Variants in NUDT14 observed in about 807,000 individuals in gnomAD.
The protein encoded by NUDT14 is nudix hydrolase 14, also known as uridine diphosphate glucose pyrophosphatase NUDT14.
NUDT14 carries 22 observed loss-of-function variants against 17.5 expected under a neutral mutation model. That is an observed-to-expected ratio of 1.26 (90% CI 0.90 to 1.80). The LOEUF (loss-of-function observed/expected upper bound fraction) is 1.80, where lower values mean the gene tolerates loss of function less well. NUDT14 is among the 40% of genes most tolerant of loss of function. The probability of loss-of-function intolerance (pLI) is 0.00; values close to 1 mark genes in which losing one functional copy is unlikely to be tolerated. For missense variants in NUDT14, 296 were observed against 295.6 expected (o/e 1.00, Z -0.01); for synonymous variants, 129 against 125.8 (o/e 1.03, Z -0.17).
rs587652123 is a variant in NUDT14 at position 105,181,194 on chromosome 14, C to T, written c.16G>A (p.Gly6Arg). 6.2e-4 allele frequency: 729 copies of T among 1,176,116 alleles called. 3 individuals carry two copies. In the African/African-American group the frequency reaches 0.011, roughly 18 times the overall value. The allele number at this position is 1,176,116 out of a possible 1,614,324, so 72.9% of individuals were successfully genotyped here. A position where few individuals can be genotyped will look rare whatever the true frequency, so the allele number is the denominator to read the frequency against. The change falls in exon 1 of 5, where the codon GGG becomes AGG. Residue 6 changes from glycine to arginine, a missense_variant. Coordinates refer to ENST00000392568, the MANE Select transcript of NUDT14 (RefSeq NM_177533.5). The surrounding 1 kb of genome is among the most constrained non-coding windows in gnomAD (Gnocchi z 5.0). Reference protein sequence around the residue: MERIEGASVGRCAASP... With the variant: MERIERASVGRCAASP... ...GCGGCGCAGCGGCCCACGGACGCCC[C>T]CTCGATGCGCTCCATGGCGGCGCCC...
At chr14:105,174,409 C>T (rs1038332637) in intron 4 of NUDT14, among the ~76,000 whole-genome samples, 1 of 151,978 alleles carries the variant, frequency 6.6e-6, no homozygotes, top group Admixed American at 6.6e-5. Flanking sequence ...GAGGGGCTGT[C>T]GGGTGCCATG....
intron 4 of NUDT14, chr14:105,175,789 G>A: frequency 9.9e-7 from 1 of 1,015,158 alleles, no homozygotes; most frequent in Non-Finnish European, 1.2e-6. Context: ...TGAGGTGGGA[G>A]GGCCCCAGGC....
rs964631517 is a variant in NUDT14, at chr14:105,175,681, T to C, written c.428+853A>G. ...TCCCAAAGTGCTGGGATTACAGGCGTGAGCCACCGTGCCTGGCCCAGCGTG... is the reference window on the plus strand; with the variant it reads ...TCCCAAAGTGCTGGGATTACAGGCGCGAGCCACCGTGCCTGGCCCAGCGTG... On this transcript the variant is annotated intron_variant, in intron 4 of 4. Transcript: ENST00000392568. The C allele has an allele frequency of 3.0e-6, 3 of 992,032 alleles. No homozygotes were observed. In the African/African-American group the frequency reaches 5.2e-5, roughly 17 times the overall value. The allele number at this position is 992,032 out of a possible 1,614,324, so 61.5% of individuals were successfully genotyped here. A position where few individuals can be genotyped will look rare whatever the true frequency, so the allele number is the denominator to read the frequency against.
At chr14:105,177,591 A>G (rs1889243204) in intron 2 of NUDT14, 101 bp downstream of exon 2, 1 of 1,114,202 alleles carries the variant, frequency 9.0e-7, no homozygotes, top group Non-Finnish European at 1.3e-6. Context: ...CGCAGGGAAC[A>G]GCAACGTCAG....
intron 1 of NUDT14, among the ~76,000 whole-genome samples, chr14:105,178,372 T>C (rs1254680733): frequency 7.2e-5 from 11 of 151,836 alleles, no homozygotes. Context: ...CTACCCCCAG[T>C]TTCTGGCCTC....
chr14:105,181,237 G>A lies in NUDT14; in HGVS notation c.-28C>T. 2 of 235,906 alleles carry A rather than the reference G, an allele frequency of 8.5e-6. No individual in the cohort carries two copies. Among genetic ancestry groups the A allele is most frequent in the Non-Finnish European group, 1.1e-5 (2 of 186,942 alleles). 14.6% of individuals were successfully genotyped at this position (235,906 alleles called of 1,614,324 possible). On this transcript the variant is annotated 5_prime_UTR_variant, in exon 1 of 5. Transcript: ENST00000392568. This position sits in a 1 kb window ranked among gnomAD's most constrained non-coding sequence, Gnocchi z 5.0. ...CGGCGCCCGGACAGGCGGGGGCCGC[G>A]AGCTCTGCGGGGGCCGACACGGGGC...
chr14:105,174,043 T>A (rs1373838511), intron 4 of NUDT14, among the ~76,000 whole-genome samples: 1 of 151,970 alleles, frequency 6.6e-6, no homozygotes, highest in Non-Finnish European at 1.5e-5. Flanking sequence ...AGGAACAGCA[T>A]GCACTGACCG....
In NUDT14 at chr14:105,173,975, A is replaced by G. The variant is rs1271301571; in HGVS notation, c.429-714T>C. On this transcript the variant is annotated intron_variant, in intron 4 of 4. Coordinates refer to ENST00000392568, the MANE Select transcript of NUDT14 (RefSeq NM_177533.5). The surrounding 1 kb of genome is among the most constrained non-coding windows in gnomAD (Gnocchi z 4.7). The stretch of plus-strand genomic sequence containing the variant: ...CTGGCTGGGAAGCAGGGACAAACCC[A>G]CCAGGCCTTCCCGCAAGGGTTCCCC... Among the ~76,000 whole-genome samples, 1 of 151,866 alleles carries G rather than the reference A, an allele frequency of 6.6e-6. No individual in the cohort carries two copies. The highest frequency in any genetic ancestry group is 2.4e-5 in the African/African-American group (1 of 41,342).
Position 105,176,637 on chromosome 14 carries a change from C to T in NUDT14, c.325G>A (p.Asp109Asn), listed in dbSNP as rs764099627. ...TCCTCCAGCGAGAGCCCAGGCTGGT[C>T]CACGAGGCCGGCACACAGCTCAACT... is the stretch of plus-strand genomic sequence containing the variant. ...VTVELCAGLV[D>N]QPGLSLEEVA... Residue 109 changes from aspartate (D) to asparagine (N), a missense_variant, in exon 4 of 5, where the codon GAC (aspartate) becomes AAC (asparagine). By Grantham distance (23) the Asp-to-Asn change is conservative. Transcript: ENST00000392568. The T allele has an allele frequency of 1.9e-6, 3 of 1,612,804 alleles. No homozygotes were observed. The East Asian group carries it at 6.7e-5, about 36-fold the overall frequency.
rs780336564 is a variant in NUDT14 at position 105,173,244 on chromosome 14, G to A, written c.446C>T (p.Thr149Ile). Reference sequence around the variant, plus strand: ...GTAGAACATGGTCTGTCTGGAGCCAGTCAGTCCCACTCCAGACCTACGGGT... The same window carrying A: ...GTAGAACATGGTCTGTCTGGAGCCAATCAGTCCCACTCCAGACCTACGGGT... ...VATYWSGVGLTGSRQTMFYTE... is the reference protein window; with the variant it reads ...VATYWSGVGLIGSRQTMFYTE... Residue 149 changes from threonine (T) to isoleucine (I), a missense_variant, in exon 5 of 5, where the codon ACT becomes ATT. Thr to Ile is a moderately conservative substitution (Grantham distance 89, BLOSUM62 -1). Coordinates refer to ENST00000392568, the MANE Select transcript of NUDT14 (RefSeq NM_177533.5). This position sits in a 1 kb window ranked among gnomAD's most constrained non-coding sequence, Gnocchi z 4.7. 1.3e-6 allele frequency: 2 copies of A among 1,576,322 alleles called. No individual in the cohort carries two copies. Among genetic ancestry groups the A allele is most frequent in the East Asian group, 4.6e-5 (2 of 43,454 alleles).
intron 4 of NUDT14, among the ~76,000 whole-genome samples, chr14:105,174,434 G>A (rs778573537): frequency 2.0e-5 from 3 of 152,054 alleles, no homozygotes; most frequent in Non-Finnish European, 4.4e-5. Flanking sequence ...AAGGCCAGCC[G>A]GAGGCCTGCA....
chr14:105,177,627 G>T, intron 2 of NUDT14, 65 bp downstream of exon 2: 3 of 1,499,072 alleles, frequency 2.0e-6, no homozygotes, highest in South Asian at 1.1e-5. Flanking sequence ...TTCGCCCTGG[G>T]CCCAGTGTCC....
intron 1 of NUDT14, among the ~76,000 whole-genome samples, chr14:105,178,134 C>T (rs587712145): frequency 3.3e-5 from 5 of 152,104 alleles, no homozygotes; most frequent in African/African-American, 4.8e-5. Context: ...GCCCTGCAGG[C>T]AGAGGAGAGG....
rs150509138 is a variant in NUDT14 at position 105,177,721 on chromosome 14, C to G, written c.96G>C (p.Lys32Asn). The change falls in exon 2 of 5, where the codon AAG becomes AAC. Residue 32 changes from lysine (K) to asparagine (N), a missense_variant. Coordinates refer to ENST00000392568, the MANE Select transcript of NUDT14 (RefSeq NM_177533.5). ...TLHYRQNGAQ[K>N]SWDFMKTHDS... Reference sequence around the variant, plus strand: ...CATGCGTCTTCATGAAGTCCCAGGACTTCTGGGCACCATTCTAGAAGGGGC... The same window carrying G: ...CATGCGTCTTCATGAAGTCCCAGGAGTTCTGGGCACCATTCTAGAAGGGGC... 373 of 1,612,344 alleles carry G rather than the reference C, an allele frequency of 2.3e-4. 6 individuals are homozygous for G. Among genetic ancestry groups the G allele is most frequent in the Non-Finnish European group, 3.1e-5 (36 of 1,179,762 alleles).
rs769951564 is a variant in NUDT14, at chr14:105,177,650, G to A, written c.125+42C>T. The A allele has an allele frequency of 5.0e-6, 8 of 1,599,728 alleles. No individual in the cohort carries two copies. The Middle Eastern group carries it at 5.0e-4, about 100-fold the overall frequency. ...GGGCCCAGTGTCCCCGTAGACATCAGTCTGGGGCTTCCCCAGTGGCCAGGC... is the reference window on the plus strand; with the variant it reads ...GGGCCCAGTGTCCCCGTAGACATCAATCTGGGGCTTCCCCAGTGGCCAGGC... On this transcript the variant is annotated intron_variant, in intron 2 of 4. Transcript: ENST00000392568.
rs1228652852 is a variant in NUDT14, at chr14:105,181,118, C to A, written c.81+11G>T. 4.9e-6 allele frequency: 5 copies of A among 1,025,716 alleles called. No individual in the cohort carries two copies. The highest frequency in any genetic ancestry group is 4.7e-6 in the Non-Finnish European group (4 of 846,190). The allele number at this position is 1,025,716 out of a possible 1,614,324, so 63.5% of individuals were successfully genotyped here. A position where few individuals can be genotyped will look rare whatever the true frequency, so the allele number is the denominator to read the frequency against. ...GGCGGGGGCGCGGGGGACGCGGGGG[C>A]GCGGGCTCACCTGGCGGTAATGCAG... On this transcript the variant is annotated intron_variant, in intron 1 of 4. Coordinates refer to ENST00000392568, the MANE Select transcript of NUDT14 (RefSeq NM_177533.5). This position sits in a 1 kb window ranked among gnomAD's most constrained non-coding sequence, Gnocchi z 5.0.
chr14:105,174,838 G>A (rs1889177464), intron 4 of NUDT14, among the ~76,000 whole-genome samples: 1 of 152,188 alleles, frequency 6.6e-6, no homozygotes, highest in Admixed American at 6.5e-5. Flanking sequence ...CCTGGGCCTT[G>A]TCCTTTGCAG....
intron 1 of NUDT14, 169 bp from the exon 2 acceptor site, chr14:105,177,904 C>A: frequency 1.6e-6 from 1 of 617,386 alleles, no homozygotes. Flanking sequence ...GAGCAAGCAG[C>A]CTGGGAGGGG....
intron 1 of NUDT14, among the ~76,000 whole-genome samples, chr14:105,180,486 T>C (rs1235078315): frequency 1.3e-5 from 2 of 152,030 alleles, no homozygotes; most frequent in Admixed American, 6.5e-5. Context: ...CAAAACAAAA[T>C]ATTCCTTGTG....
Sources: allele counts gnomAD v4.1 joint callset (sites outside exome capture counted in the v4.1 genomes callset), GRCh38; gene constraint gnomAD v4.1.1; non-coding constraint Gnocchi (gnomAD v3.1); transcripts MANE v1.5; gene names NCBI Gene and HGNC (gene_info 2026-07-23, HGNC 2026-07-21).